The following DIAPH3 variants were observed in gnomAD, a reference collection of about 807,000 sequenced individuals.
DIAPH3 encodes the protein diaphanous related formin 3.
In DIAPH3, 117 loss-of-function variants were observed where a neutral mutation model predicts 144.3. The observed-to-expected ratio is 0.81, with a 90% CI of 0.70 to 0.95. The LOEUF is 0.95. DIAPH3 is among the 40% of genes least tolerant of loss of function. The pLI, the probability that DIAPH3 is intolerant of heterozygous loss-of-function variation, is 0.00. For missense variants in DIAPH3, 1,421 were observed against 1,412.7 expected (o/e 1.01, Z -0.09); for synonymous variants, 519 against 488.9 (o/e 1.06, Z -0.81).
chr13:60,053,678 A>C (rs2141257987), intron 4 of DIAPH3, among the ~76,000 whole-genome samples: 1 of 152,146 alleles, frequency 6.6e-6, no homozygotes, highest in South Asian at 2.1e-4. Flanking sequence ...CAGGTGTAAC[A>C]CTTATTCAGT....
At chr13:59,897,408 T>C (rs2046169046) in intron 20 of DIAPH3, among the ~76,000 whole-genome samples, 1 of 152,158 alleles carries the variant, frequency 6.6e-6, no homozygotes, top group African/African-American at 2.4e-5. Context: ...AATCGTAGAA[T>C]AGTGAGAGAG....
chr13:59,683,946 C>T (rs968840941), intron 27 of DIAPH3, among the ~76,000 whole-genome samples: 37 of 152,014 alleles, frequency 2.4e-4, no homozygotes, highest in Non-Finnish European at 5.9e-5. Flanking sequence ...ATATAATGTG[C>T]CTGTGTGTCT....
intron 9 of DIAPH3, among the ~76,000 whole-genome samples, chr13:60,004,403 T>C (rs2052730326): frequency 6.6e-6 from 1 of 152,322 alleles, no homozygotes; most frequent in South Asian, 2.1e-4. Context: ...ACCTGCAATA[T>C]GCAGAAAAGA....
At chr13:59,797,932 ATGT>A (rs1381844660) in intron 25 of DIAPH3, among the ~76,000 whole-genome samples, 1 of 152,178 alleles carries the variant, frequency 6.6e-6, no homozygotes, top group Non-Finnish European at 1.5e-5. Context: ...TACTGTGCAG[ATGT>A]TGTGTTTCTT....
intron 27 of DIAPH3, among the ~76,000 whole-genome samples, chr13:59,719,195 T>C (rs2138889914): frequency 6.6e-6 from 1 of 152,310 alleles, no homozygotes; most frequent in Non-Finnish European, 1.5e-5. Context: ...AGCCATAAAA[T>C]AAAATGTCGT....
chr13:60,023,470 G>T (rs1054411053), intron 5 of DIAPH3, among the ~76,000 whole-genome samples: 2 of 148,688 alleles, frequency 1.3e-5, no homozygotes, highest in East Asian at 2.0e-4. Context: ...GTCTTACCCT[G>T]TCTCCCAAAC....
chr13:60,002,502 T>C (rs975206816), intron 9 of DIAPH3, among the ~76,000 whole-genome samples: 2 of 152,228 alleles, frequency 1.3e-5, no homozygotes, highest in African/African-American at 4.8e-5. Flanking sequence ...CCTACTGCTA[T>C]TGCTGTGAGC....
At chr13:60,025,124 T>C (rs1344616409) in intron 5 of DIAPH3, among the ~76,000 whole-genome samples, 4 of 152,224 alleles carry the variant, frequency 2.6e-5, no homozygotes, top group East Asian at 1.9e-4. Flanking sequence ...CTGCGATATT[T>C]AGCAGAAATA....
chr13:59,893,850 T>G (rs1335514575), intron 20 of DIAPH3, among the ~76,000 whole-genome samples: 1 of 152,154 alleles, frequency 6.6e-6, no homozygotes, highest in Non-Finnish European at 1.5e-5. Context: ...ATTCTTGTTT[T>G]TTGCTGATGC....
At chr13:59,957,188 T>C (rs986581149) in intron 17 of DIAPH3, among the ~76,000 whole-genome samples, 2 of 152,148 alleles carry the variant, frequency 1.3e-5, no homozygotes, top group African/African-American at 4.8e-5. Context: ...GAGGACGTGA[T>C]ATTTGGGAGG....
Position 60,042,445 on chromosome 13 carries a change from A to C in DIAPH3, c.626+245T>G, listed in dbSNP as rs561752165. ...ACATGACAATTGTCTTTTAGAAAACACCTTAAGTTTCTAAAAATTCTATGT... is the reference window on the plus strand; with the variant it reads ...ACATGACAATTGTCTTTTAGAAAACCCCTTAAGTTTCTAAAAATTCTATGT... On this transcript the variant is annotated intron_variant, in intron 5 of 27. Coordinates refer to ENST00000400324, the MANE Select transcript of DIAPH3 (RefSeq NM_001042517.2). Among the ~76,000 whole-genome samples, 14 of 152,302 alleles carry C rather than the reference A, an allele frequency of 9.2e-5. 1 individual carries two copies. In the South Asian group the frequency reaches 2.9e-3, roughly 32 times the overall value.
chr13:59,964,069 T>C (rs890724320), intron 17 of DIAPH3, among the ~76,000 whole-genome samples: 3 of 151,952 alleles, frequency 2.0e-5, no homozygotes, highest in Non-Finnish European at 4.4e-5. Context: ...AAATGGAGAG[T>C]AAGGCAGAAG....
At chr13:59,921,133 TAAA>T in intron 18 of DIAPH3, among the ~76,000 whole-genome samples, 1 of 138,562 alleles carries the variant, frequency 7.2e-6, no homozygotes, top group African/African-American at 2.6e-5. Context: ...ATGTCTACAC[TAAA>T]AAAAAAAAAA....
At chr13:60,003,978 T>C (rs910099072) in intron 9 of DIAPH3, among the ~76,000 whole-genome samples, 1 of 152,138 alleles carries the variant, frequency 6.6e-6, no homozygotes, top group African/African-American at 2.4e-5. Flanking sequence ...GTGTGCACAA[T>C]TCTATCATAA....
intron 25 of DIAPH3, among the ~76,000 whole-genome samples, chr13:59,793,033 C>T (rs772155607): frequency 3.3e-5 from 5 of 152,122 alleles, no homozygotes; most frequent in Non-Finnish European, 7.4e-5. Flanking sequence ...CTCAAGCCTC[C>T]CAACCAACCA....
At chr13:59,777,057 C>A (rs557274763) in intron 25 of DIAPH3, among the ~76,000 whole-genome samples, 1 of 152,158 alleles carries the variant, frequency 6.6e-6, no homozygotes. Flanking sequence ...TGACCTCTCT[C>A]GCCCTCAGAT....
chr13:59,750,659 C>T (rs944812542), intron 27 of DIAPH3, among the ~76,000 whole-genome samples: 26 of 152,042 alleles, frequency 1.7e-4, no homozygotes, highest in Non-Finnish European at 3.8e-4. Context: ...AATCTAATAC[C>T]TGTGTGAATT....
At chr13:59,749,428 G>A (rs1333539757) in intron 27 of DIAPH3, among the ~76,000 whole-genome samples, 9 of 146,648 alleles carry the variant, frequency 6.1e-5, no homozygotes, top group Non-Finnish European at 1.3e-4. Flanking sequence ...GCTGAGGCAG[G>A]AGAATGGCCT....
chr13:59,913,307 T>A (rs2047080131), intron 19 of DIAPH3, among the ~76,000 whole-genome samples: 1 of 152,168 alleles, frequency 6.6e-6, no homozygotes, highest in South Asian at 2.1e-4. Context: ...CCTTTGTCTC[T>A]CCCCTTACAA....
Sources: allele counts gnomAD v4.1 joint callset (sites outside exome capture counted in the v4.1 genomes callset), GRCh38; gene constraint gnomAD v4.1.1; transcripts MANE v1.5; gene names NCBI Gene and HGNC (gene_info 2026-07-23, HGNC 2026-07-21).